KLF15: variants seen among roughly 807,000 people sequenced by gnomAD.
KLF15 encodes KLF transcription factor 15, also known as Krueppel-like factor 15.
A neutral mutation model predicts 24.6 loss-of-function variants in KLF15; 4 were observed. The observed-to-expected ratio is 0.16, with a 90% CI of 0.08 to 0.37. KLF15 has a LOEUF of 0.37. Among genes scored for constraint, KLF15 ranks in the 10% least tolerant of loss-of-function variants. The probability of loss-of-function intolerance (pLI) is 1.00; values close to 1 mark genes in which losing one functional copy is unlikely to be tolerated. For missense variants in KLF15, 496 were observed against 560.6 expected (o/e 0.88, Z 1.16); for synonymous variants, 246 against 236.3 (o/e 1.04, Z -0.37).
the KLF15 span, among the ~76,000 whole-genome samples, chr3:126,293,697 T>C: frequency 1.3e-5 from 2 of 152,158 alleles, no homozygotes; most frequent in South Asian, 2.1e-4. Context: ...TGTTCCTAAA[T>C]CAGCACAAGT....
At chr3:126,328,988 A>G in the KLF15 span, among the ~76,000 whole-genome samples, 1 of 152,170 alleles carries the variant, frequency 6.6e-6, no homozygotes, top group Non-Finnish European at 1.5e-5. Flanking sequence ...TCCATGTCTC[A>G]TATTTATCTT....
chr3:126,337,769 T>A (rs1405271806), downstream of KLF15, among the ~76,000 whole-genome samples: 2 of 152,234 alleles, frequency 1.3e-5, no homozygotes, highest in Non-Finnish European at 2.9e-5. Context: ...TTAACTCATT[T>A]AGTCCACACA....
At chr3:126,345,730 C>T (rs1410969771) in intron 2 of KLF15, among the ~76,000 whole-genome samples, 1 of 152,208 alleles carries the variant, frequency 6.6e-6, no homozygotes, top group Non-Finnish European at 1.5e-5. Flanking sequence ...CCCTGGCGCC[C>T]TGACCCTGTG....
the KLF15 span, among the ~76,000 whole-genome samples, chr3:126,315,459 G>T: frequency 4.6e-5 from 7 of 152,212 alleles, no homozygotes; most frequent in African/African-American, 1.4e-4. Context: ...ATGGGGGAGG[G>T]GCGGGACCTA....
intron 1 of KLF15, among the ~76,000 whole-genome samples, chr3:126,355,464 C>G (rs564418725): frequency 5.9e-5 from 9 of 152,300 alleles, no homozygotes; most frequent in Non-Finnish European, 1.3e-4. Flanking sequence ...CTGGCTCTTC[C>G]CCCAGCACTG....
chr3:126,332,553 G>A, the KLF15 span, among the ~76,000 whole-genome samples: 4 of 83,440 alleles, frequency 4.8e-5, 1 homozygote, highest in East Asian at 8.8e-4. Context: ...CACCAGCAAC[G>A]GAACAAAGCT....
downstream of KLF15, among the ~76,000 whole-genome samples, chr3:126,341,119 A>G (rs1219535163): frequency 2.0e-5 from 3 of 151,904 alleles, no homozygotes; most frequent in African/African-American, 7.3e-5. Context: ...ACTGTGCTGT[A>G]CTCTCCACGA....
At chr3:126,323,987 G>C in the KLF15 span, among the ~76,000 whole-genome samples, 1 of 147,030 alleles carries the variant, frequency 6.8e-6, no homozygotes, top group Non-Finnish European at 1.5e-5. Context: ...CATTTGGGTT[G>C]GCTCCATGTC....
At chr3:126,339,713 AG>A (rs946889370), downstream of KLF15, among the ~76,000 whole-genome samples, 2 of 152,146 alleles carry the variant, frequency 1.3e-5, no homozygotes, top group Non-Finnish European at 2.9e-5. Flanking sequence ...ATAAAACACA[AG>A]GAAAATGACA....
the KLF15 span, among the ~76,000 whole-genome samples, chr3:126,320,364 T>A: frequency 6.6e-6 from 1 of 152,322 alleles, no homozygotes; most frequent in Admixed American, 6.5e-5. Context: ...TAGCCATGAA[T>A]GAAATTGACA....
the KLF15 span, among the ~76,000 whole-genome samples, chr3:126,323,328 C>A: frequency 2.8e-5 from 4 of 142,064 alleles, no homozygotes; most frequent in Admixed American, 1.5e-4. Context: ...GTGTCACATA[C>A]ATGATGGCCC....
At chr3:126,341,254 A>G (rs1246567232), downstream of KLF15, among the ~76,000 whole-genome samples, 1 of 152,078 alleles carries the variant, frequency 6.6e-6, no homozygotes, top group East Asian at 1.9e-4. Context: ...CACCCCTTAC[A>G]CACACTCCCT....
chr3:126,298,420 G>GATTATTATTATTATT, the KLF15 span, among the ~76,000 whole-genome samples: 100 of 146,294 alleles, frequency 6.8e-4, 1 homozygote, highest in Admixed American at 2.6e-3. Flanking sequence ...TTACTCTGCT[G>GATTATTATTATTATT]ATTATTATTA....
chr3:126,296,025 C>T, the KLF15 span, among the ~76,000 whole-genome samples: 4 of 152,170 alleles, frequency 2.6e-5, no homozygotes, highest in Non-Finnish European at 5.9e-5. Context: ...AGTCCCATTG[C>T]TGTTGTCCCT....
chr3:126,352,025 G>A lies in KLF15; in HGVS notation c.898C>T (p.Pro300Ser). 6.5e-7 allele frequency: 1 copy of A among 1,542,188 alleles called. No homozygotes were observed. Among genetic ancestry groups the A allele is most frequent in the Non-Finnish European group, 8.8e-7 (1 of 1,142,612 alleles). ...TTCTGGCCCATGAGGAGACCGGCAG[G>A]GCCAGGCCCCAGGGGTCCCGATCCA... The part of the protein sequence containing the change: ...PVGSGPLGPG[P>S]AGLLMGQKFP... The change falls in exon 2 of 3, where the codon CCT becomes TCT. Residue 300 changes from proline (P) to serine (S), a missense_variant. This residue lies in a region of KLF15 where 399 missense variants were observed against 423.1 expected (regional missense o/e 0.94). Coordinates refer to ENST00000296233, the MANE Select transcript of KLF15 (RefSeq NM_014079.4).
chr3:126,341,787 C>T (rs573913185), downstream of KLF15, among the ~76,000 whole-genome samples: 2 of 152,340 alleles, frequency 1.3e-5, no homozygotes, highest in African/African-American at 2.4e-5. Context: ...AAACACTTGA[C>T]CCGACTTGCA....
rs1366466782 is a variant in KLF15 at position 126,352,698 on chromosome 3, G to A, written c.225C>T (p.Ser75=). 6.3e-7 allele frequency: 1 copy of A among 1,588,076 alleles called. No individual in the cohort carries two copies. The highest frequency in any genetic ancestry group is 1.3e-5 in the African/African-American group (1 of 74,278). Reference sequence around the variant, plus strand: ...CCTGGGACAATAGGAAGTCCAAGATGCTGTCCTGGCTCTCGGTGCCCAGGC... The same window carrying A: ...CCTGGGACAATAGGAAGTCCAAGATACTGTCCTGGCTCTCGGTGCCCAGGC... ...GGGLGTESQD[S]ILDFLLSQAT... The change falls in exon 2 of 3, where the codon AGC becomes AGT. Residue 75 remains serine, a synonymous_variant. Coordinates refer to ENST00000296233, the MANE Select transcript of KLF15 (RefSeq NM_014079.4).
chr3:126,348,195 A>G (rs2107553882), intron 2 of KLF15, among the ~76,000 whole-genome samples: 1 of 152,288 alleles, frequency 6.6e-6, no homozygotes, highest in South Asian at 2.1e-4. Context: ...CTGACTGGAG[A>G]ATTTACCTAA....
the KLF15 span, among the ~76,000 whole-genome samples, chr3:126,321,525 G>A: frequency 6.6e-6 from 1 of 152,246 alleles, no homozygotes; most frequent in South Asian, 2.1e-4. Context: ...GCAGTCCAGA[G>A]CACCAGCAGG....
Sources: gnomAD v4.1 joint callset for allele counts (sites outside exome capture counted in the v4.1 genomes callset) on GRCh38, gnomAD v4.1.1 for gene constraint, gnomAD v4.1.1 regional missense constraint, MANE v1.5 for transcripts, NCBI Gene and HGNC (gene_info 2026-07-23, HGNC 2026-07-21) for gene names.